SHQ1: variants seen among roughly 807,000 people sequenced by gnomAD.
The protein encoded by SHQ1 is SHQ1, H/ACA ribonucleoprotein assembly factor, also known as protein SHQ1 homolog.
SHQ1 carries 49 observed loss-of-function variants against 53.8 expected under a neutral mutation model. The ratio of observed to expected loss-of-function variants is 0.91; its 90% CI spans 0.72 to 1.16. The LOEUF (loss-of-function observed/expected upper bound fraction) is 1.16. Among genes scored for constraint, SHQ1 ranks in the 50% most tolerant of loss-of-function variants. The probability of loss-of-function intolerance (pLI) is 0.00; values close to 1 mark genes in which losing one functional copy is unlikely to be tolerated. For missense variants in SHQ1, 738 were observed against 683.1 expected (o/e 1.08, Z -0.90); for synonymous variants, 243 against 251.0 (o/e 0.97, Z 0.30).
At chr3:72,745,192 T>A (rs908599355), downstream of SHQ1, among the ~76,000 whole-genome samples, 1 of 152,048 alleles carries the variant, frequency 6.6e-6, no homozygotes, top group Non-Finnish European at 1.5e-5. Context: ...TATGGCCCTC[T>A]CTCTACTCCT....
At chr3:72,837,893 A>T (rs1488309249) in intron 4 of SHQ1, among the ~76,000 whole-genome samples, 1 of 152,198 alleles carries the variant, frequency 6.6e-6, no homozygotes, top group Non-Finnish European at 1.5e-5. Context: ...ATTTCATAAA[A>T]CCTATCTACC....
At chr3:72,802,080 A>T (rs1706805325) in intron 9 of SHQ1, among the ~76,000 whole-genome samples, 4 of 152,206 alleles carry the variant, frequency 2.6e-5, no homozygotes, top group African/African-American at 9.7e-5. Context: ...AAAATTCTTA[A>T]GAATTGCTAT....
intron 6 of SHQ1, among the ~76,000 whole-genome samples, chr3:72,819,703 C>T (rs1707419482): frequency 6.6e-6 from 1 of 152,098 alleles, no homozygotes. Context: ...GCATTTCAAA[C>T]ATGTTTTGTT....
intron 10 of SHQ1, among the ~76,000 whole-genome samples, chr3:72,765,543 ATATATATATATATATTTTTT>A (rs1559662584): frequency 1.1e-5 from 1 of 93,138 alleles, no homozygotes; most frequent in African/African-American, 7.2e-5. Context: ...ATATATATAT[ATATATATATATATATTTTTT>A]TTTTTTTTTT....
chr3:72,825,932 T>G (rs1487897562), intron 5 of SHQ1, among the ~76,000 whole-genome samples: 1 of 152,192 alleles, frequency 6.6e-6, no homozygotes, highest in African/African-American at 2.4e-5. Context: ...ACTAAAAGCT[T>G]TGCATCCATT....
chr3:72,747,658 G>A (rs1705279054), downstream of SHQ1, among the ~76,000 whole-genome samples: 1 of 152,166 alleles, frequency 6.6e-6, no homozygotes, highest in African/African-American at 2.4e-5. Context: ...GATATCTGGA[G>A]AGAGAGAGGA....
chr3:72,839,802 C>T (rs1575739059), intron 4 of SHQ1, among the ~76,000 whole-genome samples: 1 of 151,982 alleles, frequency 6.6e-6, no homozygotes, highest in East Asian at 2.0e-4. Flanking sequence ...ACACTGTTGC[C>T]CAGGCTGGAG....
chr3:72,813,024 C>A (rs966534419), intron 8 of SHQ1, among the ~76,000 whole-genome samples: 2 of 152,162 alleles, frequency 1.3e-5, no homozygotes, highest in Non-Finnish European at 2.9e-5. Flanking sequence ...TCACAAATGT[C>A]ACAAGAAAGC....
the SHQ1 span, among the ~76,000 whole-genome samples, chr3:72,737,921 T>G: frequency 3.3e-5 from 5 of 152,224 alleles, no homozygotes; most frequent in African/African-American, 1.2e-4. Flanking sequence ...GGATAGTGAA[T>G]TGAGTTCTCC....
chr3:72,742,048 A>G, the SHQ1 span, among the ~76,000 whole-genome samples: 3 of 151,950 alleles, frequency 2.0e-5, no homozygotes, highest in African/African-American at 4.8e-5. Context: ...CCGAGGGACG[A>G]CTGTATTGTC....
rs550502060 is a variant in SHQ1, at chr3:72,772,598, AC to A, written c.1181+20317del. The A allele has an allele frequency of 7.9e-4, 557 of 706,632 alleles. 1 individual carries two copies. Among genetic ancestry groups the A allele is most frequent in the Middle Eastern group, 1.5e-3 (6 of 4,124 alleles). 43.8% of individuals were successfully genotyped at this position (706,632 alleles called of 1,614,324 possible). Reference sequence around the variant, plus strand: ...GAACCATTTTTGATTAAACTAAAAAACATTTTCTTAGGACTTGCATATATTA... The same window carrying A: ...GAACCATTTTTGATTAAACTAAAAAAATTTTCTTAGGACTTGCATATATTA... On this transcript the variant is annotated intron_variant, in intron 10 of 10. Coordinates refer to ENST00000325599, the MANE Select transcript of SHQ1 (RefSeq NM_018130.3).
At chr3:72,823,444 T>C (rs187869481) in intron 6 of SHQ1, among the ~76,000 whole-genome samples, 2 of 152,312 alleles carry the variant, frequency 1.3e-5, no homozygotes, top group Non-Finnish European at 1.5e-5. Context: ...TACTTCAGAA[T>C]GAGTGGTCAA....
intron 5 of SHQ1, among the ~76,000 whole-genome samples, chr3:72,831,677 C>A (rs914639819): frequency 6.6e-6 from 1 of 152,186 alleles, no homozygotes; most frequent in Non-Finnish European, 1.5e-5. Flanking sequence ...AGAGGTCAAG[C>A]GACAATCCTT....
At chr3:72,831,423 C>A (rs555931347) in intron 5 of SHQ1, among the ~76,000 whole-genome samples, 2 of 152,320 alleles carry the variant, frequency 1.3e-5, no homozygotes, top group Admixed American at 6.5e-5. Context: ...CTTGGCCAAG[C>A]CACTTAGTAG....
In SHQ1 at chr3:72,842,279, C is replaced by A. The variant is rs1708198314; in HGVS notation, c.331+1G>T. ...TTTCCTCCCAACTGTAATAAACATACCTATTTCTTCCACAAGTGGTTTTGC... is the reference window on the plus strand; with the variant it reads ...TTTCCTCCCAACTGTAATAAACATAACTATTTCTTCCACAAGTGGTTTTGC... On this transcript the variant is annotated splice_donor_variant, in intron 3 of 10. Transcript: ENST00000325599. LOFTEE classifies it high-confidence loss of function. The A allele has an allele frequency of 1.9e-6, 3 of 1,612,862 alleles. No individual in the cohort carries two copies. Among genetic ancestry groups the A allele is most frequent in the Non-Finnish European group, 2.5e-6 (3 of 1,179,274 alleles).
At chr3:72,752,577 A>G (rs1313425092) in intron 10 of SHQ1, among the ~76,000 whole-genome samples, 2 of 151,738 alleles carry the variant, frequency 1.3e-5, no homozygotes, top group African/African-American at 4.8e-5. Flanking sequence ...GCCAGGCTGG[A>G]GTGCAGTGGT....
intron 1 of SHQ1, chr3:72,846,116 G>T: frequency 2.5e-6 from 3 of 1,182,542 alleles, no homozygotes; most frequent in Non-Finnish European, 3.6e-6. Context: ...CAACAGGTGA[G>T]CATTCAGAAA....
intron 4 of SHQ1, among the ~76,000 whole-genome samples, chr3:72,835,081 CATA>C (rs1707947052): frequency 6.6e-6 from 1 of 150,520 alleles, no homozygotes. Context: ...AGCCCCACAT[CATA>C]ATACCATTCC....
At chr3:72,805,799 C>A (rs890175510) in intron 9 of SHQ1, among the ~76,000 whole-genome samples, 6 of 152,032 alleles carry the variant, frequency 3.9e-5, no homozygotes, top group Admixed American at 3.9e-4. Flanking sequence ...GCCAAATAAC[C>A]ACAAGCTATT....
Sources: gnomAD v4.1 joint callset for allele counts (sites outside exome capture counted in the v4.1 genomes callset) on GRCh38, gnomAD v4.1.1 for gene constraint, MANE v1.5 for transcripts, NCBI Gene and HGNC (gene_info 2026-07-23, HGNC 2026-07-21) for gene names.